The following CDS1 variants were observed in gnomAD, a reference collection of about 807,000 sequenced individuals.
CDS1 encodes phosphatidate cytidylyltransferase 1.
In CDS1, 41 loss-of-function variants were observed where a neutral mutation model predicts 62.1. That is an observed-to-expected ratio of 0.66 (90% CI 0.51 to 0.86). CDS1 has a LOEUF of 0.86. CDS1 is among the 40% of genes least tolerant of loss of function. CDS1 has a pLI of 0.00. For synonymous variants in CDS1, 185 were observed against 192.6 expected (o/e 0.96, Z 0.32); for missense variants, 470 against 550.1 (o/e 0.85, Z 1.46).
chr4:84,631,717 A>ATGCC (rs745747488), intron 5 of CDS1, 102 bp from the exon 6 acceptor site: 38 of 853,132 alleles, frequency 4.5e-5, no homozygotes, highest in Non-Finnish European at 7.4e-5. Flanking sequence ...TAGCTAAAAT[A>ATGCC]TGCCTAGCTG....
In CDS1 at chr4:84,619,415, C is replaced by T. The variant is rs762165063; in HGVS notation, c.462C>T (p.Asn154=). The part of the protein sequence containing the change: ...TLSWYFLLCV[N]YFFYGETVAD... The stretch of plus-strand genomic sequence containing the variant: ...ATAGGTACTTTCTATTGTGTGTAAA[C>T]TACTTTTTCTATGGAGAGACTGTAG... Residue 154 remains asparagine (N), a synonymous_variant, in exon 5 of 13, where the codon AAC becomes AAT. Coordinates refer to ENST00000295887, the MANE Select transcript of CDS1 (RefSeq NM_001263.4). The T allele has an allele frequency of 3.9e-6, 6 of 1,555,372 alleles. No individual in the cohort carries two copies.
rs944893998 is a variant in CDS1, at chr4:84,583,216, T to A, written c.-186T>A. ...GCAGGCGGCCTCGAGCGCTCTCTCG[T>A]TGATGCCGTTTTGGAGGTGACCGGC... On this transcript the variant is annotated 5_prime_UTR_variant, in exon 1 of 13. It adds an upstream start codon to the 5' untranslated region. Transcript: ENST00000295887. 10 of 507,566 alleles carry A rather than the reference T, an allele frequency of 2.0e-5. No individual in the cohort carries two copies. The South Asian group carries it at 2.5e-4, about 13-fold the overall frequency. The allele number at this position is 507,566 out of a possible 1,614,324, so 31.4% of individuals were successfully genotyped here.
chr4:84,609,854 A>G (rs1723262145), intron 3 of CDS1, among the ~76,000 whole-genome samples: 1 of 152,098 alleles, frequency 6.6e-6, no homozygotes, highest in African/African-American at 2.4e-5. Context: ...TCGTCTCTAC[A>G]GAAAGTTTTA....
chr4:84,636,805 G>A (rs1416120667), intron 8 of CDS1, among the ~76,000 whole-genome samples: 2 of 152,182 alleles, frequency 1.3e-5, no homozygotes, highest in African/African-American at 2.4e-5. Context: ...GATTACAGGC[G>A]TGAGCCACCA....
intron 5 of CDS1, among the ~76,000 whole-genome samples, chr4:84,620,087 G>C (rs1290734895): frequency 2.0e-5 from 3 of 148,546 alleles, no homozygotes; most frequent in Non-Finnish European, 4.5e-5. Flanking sequence ...GCAAATTGTA[G>C]TAAAAAAACT....
intron 10 of CDS1, among the ~76,000 whole-genome samples, chr4:84,642,193 C>T (rs1403397755): frequency 6.6e-6 from 1 of 152,074 alleles, no homozygotes; most frequent in African/African-American, 2.4e-5. Flanking sequence ...GTCGTGGTGG[C>T]ATACACCTGT....
chr4:84,607,365 C>T (rs1427928371), intron 2 of CDS1, among the ~76,000 whole-genome samples: 1 of 151,798 alleles, frequency 6.6e-6, no homozygotes, highest in Non-Finnish European at 1.5e-5. Context: ...CTCACTGCAG[C>T]CTTGACCTCC....
intron 2 of CDS1, among the ~76,000 whole-genome samples, chr4:84,608,367 G>A (rs1218749576): frequency 1.3e-5 from 2 of 152,114 alleles, no homozygotes; most frequent in Admixed American, 6.5e-5. Context: ...GTAGAGACGG[G>A]GTTTCACCGT....
intron 11 of CDS1, among the ~76,000 whole-genome samples, chr4:84,644,015 G>T (rs1031438355): frequency 8.5e-5 from 13 of 152,278 alleles, no homozygotes; most frequent in African/African-American, 3.1e-4. Context: ...CAGAGGAGTG[G>T]AAGAGGTTAA....
rs139919402 is a variant in CDS1 at position 84,632,984 on chromosome 4, C to T, written c.640-873C>T. 1.6e-3 allele frequency among the ~76,000 whole-genome samples: 245 copies of T among 152,158 alleles called. 1 individual carries two copies. The highest frequency in any genetic ancestry group is 5.6e-3 in the African/African-American group (234 of 41,498). On this transcript the variant is annotated intron_variant, in intron 6 of 12. Coordinates refer to ENST00000295887, the MANE Select transcript of CDS1 (RefSeq NM_001263.4). ...ACAAAGAATATGAAAATTAACCGGG[C>T]GTGGTGGCACACACCTGTAGTCCCA...
At chr4:84,610,806 C>A (rs1723296710) in intron 3 of CDS1, among the ~76,000 whole-genome samples, 1 of 152,092 alleles carries the variant, frequency 6.6e-6, no homozygotes, top group Admixed American at 6.5e-5. Flanking sequence ...TAGCCTAGGA[C>A]CAATAGGCTA....
chr4:84,642,917 G>T, intron 10 of CDS1, 107 bp from the exon 11 acceptor site: 1 of 1,077,156 alleles, frequency 9.3e-7, no homozygotes, highest in Non-Finnish European at 1.3e-6. Context: ...AAAATGTGGT[G>T]CGTGCTTTGA....
In CDS1 at chr4:84,583,347, C is replaced by A; in HGVS notation, c.-55C>A. 1 of 1,322,974 alleles carries A rather than the reference C, an allele frequency of 7.6e-7. No homozygotes were observed. The highest frequency in any genetic ancestry group is 1.1e-6 in the Non-Finnish European group (1 of 928,638). The allele number at this position is 1,322,974 out of a possible 1,614,324, so 82.0% of individuals were successfully genotyped here. A position where few individuals can be genotyped will look rare whatever the true frequency, so the allele number is the denominator to read the frequency against. Reference sequence around the variant, plus strand: ...CGCCCCGCCTGCAGAACCCTGCTTGCAGCTCAGGTTTCGGGGTGCTTGAGG... The same window carrying A: ...CGCCCCGCCTGCAGAACCCTGCTTGAAGCTCAGGTTTCGGGGTGCTTGAGG... On this transcript the variant is annotated 5_prime_UTR_variant, in exon 1 of 13. Coordinates refer to ENST00000295887, the MANE Select transcript of CDS1 (RefSeq NM_001263.4).
intron 8 of CDS1, 77 bp from the exon 9 acceptor site, chr4:84,638,847 T>TTA (rs3840105): frequency 0.28 from 82,371 of 294,626 alleles, 7,211 homozygotes; most frequent in Admixed American, 0.39. Flanking sequence ...AGGAAATAGT[T>TTA]TATATATATA....
At chr4:84,597,819 C>A (rs1421442530) in intron 1 of CDS1, among the ~76,000 whole-genome samples, 2 of 152,006 alleles carry the variant, frequency 1.3e-5, no homozygotes, top group African/African-American at 2.4e-5. Flanking sequence ...AGAAGGAATC[C>A]ATGCCTGTAT....
chr4:84,626,044 G>A (rs1723847216), intron 5 of CDS1, among the ~76,000 whole-genome samples: 1 of 152,030 alleles, frequency 6.6e-6, no homozygotes, highest in South Asian at 2.1e-4. Context: ...GTGCATGCCT[G>A]TAATCCCAGC....
Position 84,583,697 on chromosome 4 carries a change from C to G in CDS1, c.117+179C>G, listed in dbSNP as rs550546657. 3.1e-3 allele frequency among the ~76,000 whole-genome samples: 466 copies of G among 152,218 alleles called. 1 individual carries two copies. Among genetic ancestry groups the G allele is most frequent in the African/African-American group, 0.011 (443 of 41,548 alleles). On this transcript the variant is annotated intron_variant, in intron 1 of 12. Transcript: ENST00000295887. ...TCCAGAGGGGGTCGGGACCCGGGAT[C>G]CCAGTGGCGGTGAGGTTCCCAGGAT...
chr4:84,623,467 G>T (rs774103082), intron 5 of CDS1, among the ~76,000 whole-genome samples: 1 of 152,090 alleles, frequency 6.6e-6, no homozygotes, highest in Non-Finnish European at 1.5e-5. Flanking sequence ...TAGAAAATAC[G>T]TTTAGGCACC....
intron 2 of CDS1, among the ~76,000 whole-genome samples, 165 bp from the exon 3 acceptor site, chr4:84,609,264 G>A (rs925106815): frequency 1.3e-5 from 2 of 151,660 alleles, no homozygotes; most frequent in Non-Finnish European, 2.9e-5. Flanking sequence ...ATCTCCCAGT[G>A]TGTGAATGAA....
Sources: gnomAD v4.1 joint callset for allele counts (sites outside exome capture counted in the v4.1 genomes callset) on GRCh38, gnomAD v4.1.1 for gene constraint, MANE v1.5 for transcripts, NCBI Gene and HGNC (gene_info 2026-07-23, HGNC 2026-07-21) for gene names.